The following DDX19A variants were observed in gnomAD, a reference collection of about 807,000 sequenced individuals.
DDX19A encodes the protein ATP-dependent RNA helicase DDX19A.
A neutral mutation model predicts 60.6 loss-of-function variants in DDX19A; 12 were observed. The ratio of observed to expected loss-of-function variants is 0.20; its 90% confidence interval spans 0.13 to 0.32. DDX19A has a LOEUF of 0.32. DDX19A is among the 10% of genes least tolerant of loss of function. The probability of loss-of-function intolerance (pLI) is 1.00; values close to 1 mark genes in which losing one functional copy is unlikely to be tolerated. For missense variants in DDX19A, 337 were observed against 600.6 expected (o/e 0.56, Z 4.59); for synonymous variants, 206 against 218.2 (o/e 0.94, Z 0.49).
chr16:70,351,789 A>G (rs186778367), intron 2 of DDX19A, among the ~76,000 whole-genome samples: 24 of 151,810 alleles, frequency 1.6e-4, no homozygotes, highest in Non-Finnish European at 2.9e-4. Context: ...TGGCCTCCCA[A>G]AGTGCTGGGA....
At chr16:70,364,944 C>A in intron 6 of DDX19A, 73 bp from the exon 7 acceptor site, 1 of 1,123,324 alleles carries the variant, frequency 8.9e-7, no homozygotes, top group Non-Finnish European at 1.4e-6. Context: ...CTAATAACAT[C>A]AGCATACTGG....
chr16:70,352,283 C>CTTT (rs58812314), intron 2 of DDX19A, among the ~76,000 whole-genome samples: 5 of 135,334 alleles, frequency 3.7e-5, no homozygotes, highest in African/African-American at 8.2e-5. Context: ...TCATCCATGT[C>CTTT]TTTTTTTTTT....
At position 70,371,793 on chromosome 16, in the gene DDX19A, C is replaced by T. The variant is rs1306212906; in HGVS notation, c.1376-132C>T. ...TCGGGGCGTGGGGCTCTGACTGTTG[C>T]TGTCAGTGACTAGGGGCCCTGCTGC... On this transcript the variant is annotated intron_variant, in intron 11 of 11. Coordinates refer to ENST00000302243, the MANE Select transcript of DDX19A (RefSeq NM_018332.5). 1.2e-5 allele frequency: 17 copies of T among 1,384,900 alleles called. No individual in the cohort carries two copies. The Admixed American group carries it at 1.5e-4, about 12-fold the overall frequency. 85.8% of individuals were successfully genotyped at this position (1,384,900 alleles called of 1,614,324 possible).
In DDX19A at chr16:70,362,793, C is replaced by T. The variant is rs556730068; in HGVS notation, c.386+1283C>T. 2.6e-5 allele frequency among the ~76,000 whole-genome samples: 4 copies of T among 151,986 alleles called. No homozygotes were observed. The South Asian group carries it at 6.2e-4, about 24-fold the overall frequency. ...TTGAGAAGCTGAGGCAGGTGGATCA[C>T]TTGAGGTCAGGAGTTTGAGACCAGC... On this transcript the variant is annotated intron_variant, in intron 5 of 11. Transcript: ENST00000302243.
In DDX19A at chr16:70,366,090, A is replaced by C. The variant is rs143009306; in HGVS notation, c.610A>C (p.Arg204=). 2.5e-6 allele frequency: 4 copies of C among 1,614,192 alleles called. No homozygotes were observed. In the South Asian group the frequency reaches 4.4e-5, roughly 18 times the overall value. The change falls in exon 8 of 12, where the codon AGA becomes CGA. Residue 204 remains arginine, a synonymous_variant. Transcript: ENST00000302243. Reference sequence around the variant, plus strand: ...AATCACCTGGGTCTCCACAGTGGAAAGAGGCCAGAAGATCAGTGAGCAGAT... The same window carrying C: ...AATCACCTGGGTCTCCACAGTGGAACGAGGCCAGAAGATCAGTGAGCAGAT... The part of the protein sequence containing the change: ...AYAVRGNKLE[R]GQKISEQIVI...
intron 4 of DDX19A, among the ~76,000 whole-genome samples, chr16:70,360,326 T>TTC (rs1567653405): frequency 4.7e-5 from 7 of 149,568 alleles, no homozygotes; most frequent in African/African-American, 1.5e-4. Context: ...TCTTTCTTTT[T>TTC]TTTTTTTTTT....
intron 5 of DDX19A, 187 bp from the exon 6 acceptor site, chr16:70,364,356 T>C: frequency 1.7e-6 from 1 of 580,720 alleles, no homozygotes; most frequent in East Asian, 2.9e-5. Flanking sequence ...TCATTTATTT[T>C]ACAATTTAAG....
At chr16:70,351,808 G>T (rs909521796) in intron 2 of DDX19A, among the ~76,000 whole-genome samples, 2 of 152,060 alleles carry the variant, frequency 1.3e-5, no homozygotes, top group African/African-American at 4.8e-5. Flanking sequence ...GATTACAGGT[G>T]TGAGCCACCA....
At chr16:70,355,786 A>G (rs1964167295) in intron 3 of DDX19A, 1 of 578,596 alleles carries the variant, frequency 1.7e-6, no homozygotes, top group Non-Finnish European at 3.1e-6. Context: ...ACATACTGAG[A>G]CCCCATCTCT....
intron 1 of DDX19A, among the ~76,000 whole-genome samples, chr16:70,348,270 T>C (rs1384376233): frequency 6.6e-6 from 1 of 152,060 alleles, no homozygotes; most frequent in African/African-American, 2.4e-5. Flanking sequence ...CTGGATCCTA[T>C]TGGTACTACT....
rs201123041 is a variant in DDX19A at position 70,357,270 on chromosome 16, A to AAT, written c.293+1040_293+1041dup. On this transcript the variant is annotated intron_variant, in intron 4 of 11. Transcript: ENST00000302243. The stretch of plus-strand genomic sequence containing the variant: ...CGAGACTCTCTCTCAAAAAAAAAAA[A>AAT]ATATATATATATATATATGTATATT... Among the ~76,000 whole-genome samples, 531 of 123,022 alleles carry AAT rather than the reference A, an allele frequency of 4.3e-3. 2 individuals are homozygous for AAT. The highest frequency in any genetic ancestry group is 0.011 in the South Asian group (46 of 4,184). 80.7% of individuals were successfully genotyped at this position (123,022 alleles called of 152,430 possible).
At chr16:70,360,237 C>T (rs1487255108) in intron 4 of DDX19A, among the ~76,000 whole-genome samples, 6 of 151,130 alleles carry the variant, frequency 4.0e-5, no homozygotes, top group South Asian at 2.1e-4. Context: ...GCCAAGATCA[C>T]GCTATTGCAC....
chr16:70,367,210 C>T (rs1368577701), intron 9 of DDX19A, among the ~76,000 whole-genome samples: 2 of 151,852 alleles, frequency 1.3e-5, no homozygotes, highest in African/African-American at 4.8e-5. Flanking sequence ...GGGTGGATCA[C>T]GAGGTCAGGA....
intron 4 of DDX19A, among the ~76,000 whole-genome samples, chr16:70,357,366 GTTTTTTTTTTTTTTTTTTTTTT>G (rs71151183): frequency 2.2e-5 from 1 of 44,596 alleles, no homozygotes; most frequent in Non-Finnish European, 4.1e-5. Flanking sequence ...TTTTTGGTTT[GTTTTTTTTTTTTTTTTTTTTTT>G]TTTTTTTTTT....
At chr16:70,356,764 A>G (rs1964200321) in intron 4 of DDX19A, 1 of 644,278 alleles carries the variant, frequency 1.6e-6, no homozygotes, top group Non-Finnish European at 2.3e-6. Flanking sequence ...GTCCTTGGCT[A>G]TCCTGTTCTC....
At chr16:70,359,855 A>G (rs1964317667) in intron 4 of DDX19A, among the ~76,000 whole-genome samples, 1 of 152,178 alleles carries the variant, frequency 6.6e-6, no homozygotes, top group Non-Finnish European at 1.5e-5. Flanking sequence ...GTCTCTCAGA[A>G]AGAAGTAGTT....
chr16:70,364,787 A>G, intron 6 of DDX19A, 142 bp downstream of exon 6: 2 of 703,768 alleles, frequency 2.8e-6, no homozygotes, highest in Non-Finnish European at 4.9e-6. Context: ...CCAGGCCCTG[A>G]CCTGGGAGAA....
chr16:70,350,429 A>C (rs967711239), intron 1 of DDX19A, 128 bp from the exon 2 acceptor site: 25 of 585,644 alleles, frequency 4.3e-5, no homozygotes, highest in Non-Finnish European at 5.7e-5. Flanking sequence ...TGAGGGAACA[A>C]ACCGACTCCC....
chr16:70,360,006 C>T (rs1334729111), intron 4 of DDX19A, among the ~76,000 whole-genome samples: 1 of 150,964 alleles, frequency 6.6e-6, no homozygotes, highest in Non-Finnish European at 1.5e-5. Flanking sequence ...TATGGCCGGG[C>T]GCTACAGCTC....
Sources: allele counts gnomAD v4.1 joint callset (sites outside exome capture counted in the v4.1 genomes callset), GRCh38; gene constraint gnomAD v4.1.1; transcripts MANE v1.5; gene names NCBI Gene and HGNC (gene_info 2026-07-23, HGNC 2026-07-21).